Variants in DNAH5 observed in about 807,000 individuals in gnomAD.
DNAH5 encodes axonemal beta dynein heavy chain 5.
Under a neutral mutation model 518.2 loss-of-function variants are expected in DNAH5, and 372 were observed. The ratio of observed to expected loss-of-function variants is 0.72; its 90% confidence interval spans 0.66 to 0.78. The LOEUF (loss-of-function observed/expected upper bound fraction) is 0.78, where lower values mean the gene tolerates loss of function less well. Ranked by LOEUF, DNAH5 falls within the 30% of genes least tolerant of loss-of-function variation. DNAH5 has a pLI of 0.00. For synonymous variants in DNAH5, 2,039 were observed against 2,025.9 expected (o/e 1.01, Z -0.17); for missense variants, 5,523 against 5,687.0 (o/e 0.97, Z 0.93).
intron 3 of DNAH5, among the ~76,000 whole-genome samples, chr5:13,925,308 T>C (rs1041086607): frequency 1.3e-5 from 2 of 152,180 alleles, no homozygotes; most frequent in South Asian, 4.1e-4. Flanking sequence ...ATTTCAAAGC[T>C]GTTGTCCTAG....
At chr5:13,809,910 C>T in intron 45 of DNAH5, 149 bp downstream of exon 45, 1 of 815,632 alleles carries the variant, frequency 1.2e-6, no homozygotes, top group Non-Finnish European at 2.0e-6. Flanking sequence ...AAAGAAACCA[C>T]TGTTCACTTT....
chr5:13,731,299 T>C (rs1035389308), intron 68 of DNAH5, among the ~76,000 whole-genome samples: 4 of 152,236 alleles, frequency 2.6e-5, no homozygotes, highest in Admixed American at 1.3e-4. Context: ...ATGCATTGTG[T>C]TGAATAAAAT....
At chr5:13,821,417 A>G (rs1762220812) in intron 40 of DNAH5, among the ~76,000 whole-genome samples, 1 of 152,194 alleles carries the variant, frequency 6.6e-6, no homozygotes, top group South Asian at 2.1e-4. Flanking sequence ...CTCTGTGCCA[A>G]ATATTATTCT....
At chr5:13,704,668 T>C (rs1742551318) in intron 76 of DNAH5, among the ~76,000 whole-genome samples, 1 of 152,238 alleles carries the variant, frequency 6.6e-6, no homozygotes, top group Admixed American at 6.5e-5. Context: ...AGGACAGTCC[T>C]TTGACCTAAG....
intron 34 of DNAH5, among the ~76,000 whole-genome samples, chr5:13,840,517 G>C (rs981311808): frequency 6.6e-6 from 1 of 152,100 alleles, no homozygotes; most frequent in Non-Finnish European, 1.5e-5. Context: ...AAGGCTTAAG[G>C]GAAGTCCTAA....
chr5:13,747,386 T>G (rs1226525533), intron 65 of DNAH5, among the ~76,000 whole-genome samples: 1 of 152,222 alleles, frequency 6.6e-6, no homozygotes, highest in Non-Finnish European at 1.5e-5. Flanking sequence ...TGATTTATAA[T>G]CCTTTGGGTA....
intron 1 of DNAH5, among the ~76,000 whole-genome samples, chr5:13,952,866 T>G (rs1383059736): frequency 3.3e-5 from 5 of 152,196 alleles, no homozygotes; most frequent in African/African-American, 1.2e-4. Context: ...CACTGCAGCC[T>G]GGAATTCCTG....
At chr5:13,844,422 A>G (rs1321569616) in intron 32 of DNAH5, among the ~76,000 whole-genome samples, 1 of 152,196 alleles carries the variant, frequency 6.6e-6, no homozygotes, top group Admixed American at 6.5e-5. Context: ...TTCTGTACAC[A>G]TGGAAGTGTT....
At chr5:13,983,970 C>G (rs114226146) in intron 1 of DNAH5, among the ~76,000 whole-genome samples, 5 of 152,030 alleles carry the variant, frequency 3.3e-5, no homozygotes, top group East Asian at 3.8e-4. Flanking sequence ...TTTTCAGTTA[C>G]GTTAGGTGGG....
At chr5:13,893,916 GAAA>G (rs55894242) in intron 16 of DNAH5, among the ~76,000 whole-genome samples, 1 of 127,370 alleles carries the variant, frequency 7.9e-6, no homozygotes, top group African/African-American at 2.9e-5. Context: ...GTCTTTCTGA[GAAA>G]AAAAAAAAAA....
At chr5:13,863,451 C>T (rs1049739535) in intron 28 of DNAH5, among the ~76,000 whole-genome samples, 1 of 152,082 alleles carries the variant, frequency 6.6e-6, no homozygotes, top group Non-Finnish European at 1.5e-5. Context: ...AATCTGATCA[C>T]CTTCCCATGT....
rs193070993 is a variant in DNAH5 at position 13,903,029 on chromosome 5, C to T, written c.1645-891G>A. ...AGAATGCACAAACAGAATTAGTAAC[C>T]AAGTACTAAAAATGATAGAGCAGTC... is the stretch of plus-strand genomic sequence containing the variant. On this transcript the variant is annotated intron_variant, in intron 12 of 78. Coordinates refer to ENST00000265104, the MANE Select transcript of DNAH5 (RefSeq NM_001369.3). Among the ~76,000 whole-genome samples, 981 of 152,014 alleles carry T rather than the reference C, an allele frequency of 6.5e-3. 8 individuals are homozygous for T. The highest frequency in any genetic ancestry group is 0.014 in the Middle Eastern group (4 of 294).
intron 1 of DNAH5, among the ~76,000 whole-genome samples, chr5:13,995,708 T>C (rs961926812): frequency 3.3e-5 from 5 of 152,250 alleles, no homozygotes; most frequent in Non-Finnish European, 7.3e-5. Context: ...TATGGACAGA[T>C]AATACATATA....
In DNAH5 at chr5:13,753,521, T is replaced by A. The variant is rs765951022; in HGVS notation, c.10584A>T (p.Leu3528=). The change falls in exon 63 of 79, where the codon CTA becomes CTT. Residue 3528 remains leucine, a synonymous_variant. Coordinates refer to ENST00000265104, the MANE Select transcript of DNAH5 (RefSeq NM_001369.3). ...CTTGGTTAAATGGACCAGAATAAGATAGAAAAGCTGTAGCCAACAGTACAT... is the reference window on the plus strand; with the variant it reads ...CTTGGTTAAATGGACCAGAATAAGAAAGAAAAGCTGTAGCCAACAGTACAT... ...VGDVLLATAF[L]SYSGPFNQEF... 3 of 1,613,790 alleles carry A rather than the reference T, an allele frequency of 1.9e-6. No homozygotes were observed. Among genetic ancestry groups the A allele is most frequent in the Non-Finnish European group, 2.5e-6 (3 of 1,179,892 alleles).
intron 54 of DNAH5, 64 bp downstream of exon 54, chr5:13,777,138 G>A: frequency 1.3e-6 from 2 of 1,492,120 alleles, no homozygotes; most frequent in Non-Finnish European, 1.9e-6. Context: ...AAGAAAACAT[G>A]TAGAGCTCTA....
chr5:13,820,303 C>G (rs377307196), intron 41 of DNAH5, 43 bp downstream of exon 41: 12 of 1,600,990 alleles, frequency 7.5e-6, no homozygotes, highest in Non-Finnish European at 9.3e-6. Context: ...GTCACCACTA[C>G]TTAAATGGGC....
intron 75 of DNAH5, among the ~76,000 whole-genome samples, chr5:13,711,803 T>A (rs1405186468): frequency 6.6e-6 from 1 of 152,100 alleles, no homozygotes; most frequent in Non-Finnish European, 1.5e-5. Context: ...TACTTAGGAA[T>A]ATATGTAACC....
intron 1 of DNAH5, 84 bp downstream of exon 1, chr5:13,944,298 T>C: frequency 7.3e-7 from 1 of 1,372,758 alleles, no homozygotes; most frequent in Non-Finnish European, 1.0e-6. Flanking sequence ...ACTTTGAACC[T>C]TTTTCAAGTT....
At chr5:13,692,829 C>T (rs974103713) in intron 78 of DNAH5, among the ~76,000 whole-genome samples, 2 of 152,186 alleles carry the variant, frequency 1.3e-5, no homozygotes, top group Non-Finnish European at 1.5e-5. Context: ...CCATCTCCAC[C>T]CACATGCTCC....
Sources: gnomAD v4.1 joint callset for allele counts (sites outside exome capture counted in the v4.1 genomes callset) on GRCh38, gnomAD v4.1.1 for gene constraint, MANE v1.5 for transcripts, NCBI Gene and HGNC (gene_info 2026-07-23, HGNC 2026-07-21) for gene names.